HTT: variants seen among roughly 807,000 people sequenced by gnomAD.
HTT encodes the protein huntingtin.
Under a neutral mutation model 362.3 loss-of-function variants are expected in HTT, and 104 were observed. That is an observed-to-expected ratio of 0.29 (90% confidence interval 0.24 to 0.34). HTT has a LOEUF of 0.34. Among genes scored for constraint, HTT ranks in the 10% least tolerant of loss-of-function variants. The pLI is 1.00. For missense variants in HTT, 3,301 were observed against 3,928.6 expected (o/e 0.84, Z 4.27); for synonymous variants, 1,577 against 1,548.7 (o/e 1.02, Z -0.43).
intron 37 of HTT, 32 bp downstream of exon 37, chr4:3,182,502 A>G (rs363094): frequency 0.11 from 149,405 of 1,381,134 alleles, 10,421 homozygotes; most frequent in African/African-American, 0.33. Flanking sequence ...TTGTTGTTGC[A>G]TAGTGATGGT....
Position 3,218,886 on chromosome 4 carries a change from G to A in HTT, c.7242+934G>A, listed in dbSNP as rs1159130063. 6.6e-6 allele frequency among the ~76,000 whole-genome samples: 1 copy of A among 152,164 alleles called. No homozygotes were observed. Among genetic ancestry groups the A allele is most frequent in the African/African-American group, 2.4e-5 (1 of 41,438 alleles). ...TGTAGGTCAGGGAGAATGGAGCCAGGTCCCAGGGAAGAGGCTTGTGGCTGC... is the reference window on the plus strand; with the variant it reads ...TGTAGGTCAGGGAGAATGGAGCCAGATCCCAGGGAAGAGGCTTGTGGCTGC... On this transcript the variant is annotated intron_variant, in intron 52 of 66. Transcript: ENST00000355072. This position sits in a 1 kb window ranked among gnomAD's most constrained non-coding sequence, Gnocchi z 4.4.
rs770898587 is a variant in HTT at position 3,140,668 on chromosome 4, C to T, written c.2945+12C>T. 8 of 1,609,948 alleles carry T rather than the reference C, an allele frequency of 5.0e-6. No homozygotes were observed. The highest frequency in any genetic ancestry group is 5.9e-6 in the Non-Finnish European group (7 of 1,177,434). On this transcript the variant is annotated intron_variant, in intron 22 of 66. Coordinates refer to ENST00000355072, the MANE Select transcript of HTT (RefSeq NM_001388492.1). ...AGCACAATAACCAGGTATGCTGACC[C>T]AGTGGCATCTTCACATTGTCGGGAA... is the stretch of plus-strand genomic sequence containing the variant.
At chr4:3,145,321 CT>C in intron 24 of HTT, 93 bp downstream of exon 24, 1 of 950,154 alleles carries the variant, frequency 1.1e-6, no homozygotes, top group Non-Finnish European at 1.7e-6. Flanking sequence ...CTTTTTAAGT[CT>C]TTTATCAATT....
chr4:3,114,327 TAC>T (rs1485198212), intron 6 of HTT, among the ~76,000 whole-genome samples: 2 of 152,264 alleles, frequency 1.3e-5, no homozygotes, highest in Non-Finnish European at 1.5e-5. Context: ...ATGAACATGT[TAC>T]AGTGCTTCAG....
chr4:3,164,007 A>T (rs1227479560), intron 29 of HTT, among the ~76,000 whole-genome samples: 1 of 151,574 alleles, frequency 6.6e-6, no homozygotes, highest in African/African-American at 2.4e-5. Flanking sequence ...AGTTCTTTTA[A>T]TTGTGATGTT....
At position 3,079,902 on chromosome 4, in the gene HTT, C is replaced by T. The variant is rs147830466; in HGVS notation, c.263+4814C>T. Among the ~76,000 whole-genome samples the T allele has an allele frequency of 1.7e-3, 254 of 152,248 alleles. 2 individuals carry two copies. The highest frequency in any genetic ancestry group is 3.0e-3 in the Admixed American group (46 of 15,284). ...GGAATGACTGACTGGATTTTGAATG[C>T]GGAACCAACTGCACTTGTTGAACTC... is the stretch of plus-strand genomic sequence containing the variant. On this transcript the variant is annotated intron_variant, in intron 1 of 66. Coordinates refer to ENST00000355072, the MANE Select transcript of HTT (RefSeq NM_001388492.1).
chr4:3,142,158 G>A (rs1017114831), intron 22 of HTT, among the ~76,000 whole-genome samples: 1 of 152,192 alleles, frequency 6.6e-6, no homozygotes, highest in African/African-American at 2.4e-5. Flanking sequence ...GTGCAGCAGA[G>A]TGTGCTGCTT....
At chr4:3,204,739 C>T (rs565948620) in intron 42 of HTT, among the ~76,000 whole-genome samples, 5 of 152,032 alleles carry the variant, frequency 3.3e-5, no homozygotes, top group South Asian at 2.1e-4. Context: ...AAGCTGAGGG[C>T]GGAGGATGGC....
intron 42 of HTT, among the ~76,000 whole-genome samples, chr4:3,204,539 A>G (rs1719758712): frequency 6.6e-6 from 1 of 152,260 alleles, no homozygotes. Context: ...ATTTTTTTAA[A>G]AATTAATACC....
At chr4:3,221,737 A>G (rs1377228577) in intron 53 of HTT, among the ~76,000 whole-genome samples, 1 of 152,202 alleles carries the variant, frequency 6.6e-6, no homozygotes, top group African/African-American at 2.4e-5. Context: ...TGTTCGTTAG[A>G]TACACTCGAA....
At position 3,199,618 on chromosome 4, in the gene HTT, C is replaced by T. The variant is rs142931733; in HGVS notation, c.5369-114C>T. 1,464 of 829,524 alleles carry T rather than the reference C, an allele frequency of 1.8e-3. 9 individuals carry two copies. Among genetic ancestry groups the T allele is most frequent in the Middle Eastern group, 4.0e-3 (14 of 3,466 alleles). The allele number at this position is 829,524 out of a possible 1,614,324, so 51.4% of individuals were successfully genotyped here. A position where few individuals can be genotyped will look rare whatever the true frequency, so the allele number is the denominator to read the frequency against. On this transcript the variant is annotated intron_variant, in intron 40 of 66. Transcript: ENST00000355072. ...TTCTAAATGCCAGGTGTTCTGAATA[C>T]GTAAGTATGGGAGACGACTCAGCCT... is the stretch of plus-strand genomic sequence containing the variant.
rs185274907 is a variant in HTT at position 3,209,444 on chromosome 4, C to T, written c.6292-383C>T. Among the ~76,000 whole-genome samples the T allele has an allele frequency of 2.8e-3, 426 of 152,302 alleles. 8 individuals are homozygous for T. Among genetic ancestry groups the T allele is most frequent in the South Asian group, 2.3e-3 (11 of 4,822 alleles). On this transcript the variant is annotated intron_variant, in intron 46 of 66. Transcript: ENST00000355072. Reference sequence around the variant, plus strand: ...AACCAGCAGCCCAAGTATAAGAAAGCGAAGGTTCAGTCCTGCCTTCTTAGG... The same window carrying T: ...AACCAGCAGCCCAAGTATAAGAAAGTGAAGGTTCAGTCCTGCCTTCTTAGG...
rs779086409 is a variant in HTT, at chr4:3,220,353, A to G, written c.7369+45A>G. On this transcript the variant is annotated intron_variant, in intron 53 of 66. Coordinates refer to ENST00000355072, the MANE Select transcript of HTT (RefSeq NM_001388492.1). Reference sequence around the variant, plus strand: ...TTCAGGTCACCATTGTCGGACATCTACCGGGAGGAAATCCAGAGCCCCCAG... The same window carrying G: ...TTCAGGTCACCATTGTCGGACATCTGCCGGGAGGAAATCCAGAGCCCCCAG... The G allele has an allele frequency of 5.0e-6, 8 of 1,590,872 alleles. 1 individual carries two copies. In the South Asian group the frequency reaches 5.5e-5, roughly 11 times the overall value.
intron 1 of HTT, 39 bp downstream of exon 1, chr4:3,075,127 T>C: frequency 8.2e-7 from 1 of 1,213,144 alleles, no homozygotes; most frequent in South Asian, 4.1e-5. Flanking sequence ...TCCCGGCGGG[T>C]CCCAGGCTAC....
chr4:3,160,237 G>A (rs370702798), intron 28 of HTT, 45 bp from the exon 29 acceptor site: 6 of 1,250,710 alleles, frequency 4.8e-6, no homozygotes, highest in Admixed American at 2.0e-5. Flanking sequence ...TTATGAGATC[G>A]TGACAGGGCC....
intron 22 of HTT, among the ~76,000 whole-genome samples, chr4:3,142,125 C>T (rs1006600446): frequency 4.6e-5 from 7 of 152,280 alleles, no homozygotes; most frequent in East Asian, 1.9e-4. Context: ...TTGGGTCTTG[C>T]GTGATAGATA....
In HTT at chr4:3,228,501, T is replaced by A. The variant is rs930575043; in HGVS notation, c.7849-114T>A. On this transcript the variant is annotated intron_variant, in intron 57 of 66. Coordinates refer to ENST00000355072, the MANE Select transcript of HTT (RefSeq NM_001388492.1). The surrounding 1 kb of genome is among the most constrained non-coding windows in gnomAD (Gnocchi z 4.3). ...CCTGGGGTGTCTGAACGACCCTTGC[T>A]AAGGGGCAGACTGTTAGACGGTAGG... The A allele has an allele frequency of 4.0e-6, 5 of 1,254,036 alleles. No homozygotes were observed. Among genetic ancestry groups the A allele is most frequent in the Non-Finnish European group, 5.4e-6 (5 of 924,992 alleles). 77.7% of individuals were successfully genotyped at this position (1,254,036 alleles called of 1,614,324 possible).
In HTT at chr4:3,172,964, C is replaced by T. The variant is rs1002848169; in HGVS notation, c.3999C>T (p.Ser1333=). ...NLASQFDGLS[S]NPSKSQGRAQ... ...CCTCCCAGTTTGATGGCTTATCTTCCAACCCCAGCAAGTCACAAGGCCGAG... is the reference window on the plus strand; with the variant it reads ...CCTCCCAGTTTGATGGCTTATCTTCTAACCCCAGCAAGTCACAAGGCCGAG... Residue 1333 remains serine (S), a synonymous_variant, in exon 31 of 67, where the codon TCC becomes TCT. Transcript: ENST00000355072. The T allele has an allele frequency of 2.5e-5, 41 of 1,614,074 alleles. No individual in the cohort carries two copies. Among genetic ancestry groups the T allele is most frequent in the Non-Finnish European group, 3.4e-5 (40 of 1,180,044 alleles).
chr4:3,203,796 T>C (rs748907443), intron 41 of HTT, among the ~76,000 whole-genome samples: 5 of 152,252 alleles, frequency 3.3e-5, no homozygotes, highest in Non-Finnish European at 7.3e-5. Context: ...CCTGTTAAAT[T>C]CTGTTTTCTT....
Sources: gnomAD v4.1 joint callset for allele counts (sites outside exome capture counted in the v4.1 genomes callset) on GRCh38, gnomAD v4.1.1 for gene constraint, Gnocchi (gnomAD v3.1) non-coding constraint, MANE v1.5 for transcripts, NCBI Gene and HGNC (gene_info 2026-07-23, HGNC 2026-07-21) for gene names.